The following CACNB4 variants were observed in gnomAD, a reference collection of about 807,000 sequenced individuals.
CACNB4 encodes the protein calcium voltage-gated channel auxiliary subunit beta 4.
A neutral mutation model predicts 71.2 loss-of-function variants in CACNB4; 32 were observed. The observed-to-expected ratio is 0.45, with a 90% CI of 0.34 to 0.60. The LOEUF (loss-of-function observed/expected upper bound fraction) is 0.60. Among genes scored for constraint, CACNB4 ranks in the 20% least tolerant of loss-of-function variants. The probability of loss-of-function intolerance (pLI) is 0.01; values close to 1 mark genes in which losing one functional copy is unlikely to be tolerated. For synonymous variants in CACNB4, 231 were observed against 236.9 expected (o/e 0.97, Z 0.23); for missense variants, 464 against 647.9 (o/e 0.72, Z 3.08).
At chr2:151,939,308 G>A (rs2099863690) in intron 2 of CACNB4, among the ~76,000 whole-genome samples, 1 of 152,146 alleles carries the variant, frequency 6.6e-6, no homozygotes, top group African/African-American at 2.4e-5. Context: ...GGGTTTGGTT[G>A]AGAGAATAAA....
chr2:152,077,321 G>A (rs182561359), intron 2 of CACNB4, among the ~76,000 whole-genome samples: 9 of 152,302 alleles, frequency 5.9e-5, no homozygotes, highest in East Asian at 1.9e-4. Flanking sequence ...TTGGGAGGCC[G>A]AGGCACATGG....
At chr2:151,872,962 C>T (rs948567846) in intron 5 of CACNB4, 4 of 153,226 alleles carry the variant, frequency 2.6e-5, no homozygotes, top group East Asian at 1.9e-4. Context: ...AGATCCTCAA[C>T]TCTGGTCTCC....
intron 2 of CACNB4, among the ~76,000 whole-genome samples, chr2:151,983,135 G>C (rs916832807): frequency 2.0e-5 from 3 of 152,148 alleles, no homozygotes; most frequent in African/African-American, 7.2e-5. Flanking sequence ...AAAACAAAAT[G>C]TTTGTGAGCT....
At chr2:152,010,386 G>C (rs939337933) in intron 2 of CACNB4, among the ~76,000 whole-genome samples, 2 of 152,298 alleles carry the variant, frequency 1.3e-5, no homozygotes, top group Non-Finnish European at 2.9e-5. Context: ...GGAAGGCTTT[G>C]GGACTTGAGA....
chr2:152,062,321 C>T (rs2105336823), intron 2 of CACNB4, among the ~76,000 whole-genome samples: 1 of 152,214 alleles, frequency 6.6e-6, no homozygotes, highest in Middle Eastern at 3.4e-3. Context: ...AGCCAGAGGC[C>T]AGTCCAGTCA....
Position 151,876,460 on chromosome 2 carries a change from G to T in CACNB4, c.487C>A (p.Gln163Lys). ...SPLRLENIRIQQEQKRGRFHG... is the reference protein window; with the variant it reads ...SPLRLENIRIKQEQKRGRFHG... ...AAACGTCCTCTTTTTTGTTCTTGCT[G>T]GATCCGTATGTTCTCCAATCTGAGT... is the stretch of plus-strand genomic sequence containing the variant. The change falls in exon 5 of 14, where the codon CAG becomes AAG. Residue 163 changes from glutamine to lysine, a missense_variant. Coordinates refer to ENST00000539935, the MANE Select transcript of CACNB4 (RefSeq NM_000726.5). 6.2e-7 allele frequency: 1 copy of T among 1,602,296 alleles called. No individual in the cohort carries two copies. The highest frequency in any genetic ancestry group is 8.5e-7 in the Non-Finnish European group (1 of 1,172,476).
intron 2 of CACNB4, among the ~76,000 whole-genome samples, chr2:151,957,387 G>T (rs1412632607): frequency 6.6e-6 from 1 of 151,036 alleles, no homozygotes; most frequent in African/African-American, 2.4e-5. Context: ...AGGAATTAAA[G>T]TTATTGAATT....
intron 2 of CACNB4, among the ~76,000 whole-genome samples, chr2:151,923,942 T>C (rs942424326): frequency 2.0e-5 from 3 of 152,184 alleles, no homozygotes; most frequent in Non-Finnish European, 4.4e-5. Context: ...TAATTCTCCA[T>C]GAGTTTCCAT....
At chr2:151,957,274 G>GTGTGTA (rs2099868538) in intron 2 of CACNB4, among the ~76,000 whole-genome samples, 2 of 150,894 alleles carry the variant, frequency 1.3e-5, no homozygotes, top group Non-Finnish European at 3.0e-5. Flanking sequence ...GTGTGTGTGT[G>GTGTGTA]TGTGTGTGTG....
intron 2 of CACNB4, chr2:151,969,499 TGG>T (rs2099871972): frequency 6.6e-6 from 1 of 152,248 alleles, no homozygotes; most frequent in East Asian, 1.9e-4. Flanking sequence ...TCAACTCTCT[TGG>T]GTATCTTTGT....
At chr2:151,883,799 G>T in intron 2 of CACNB4, 1 of 251,250 alleles carries the variant, frequency 4.0e-6, no homozygotes, top group East Asian at 1.1e-4. Context: ...ATTTGTCTAA[G>T]ATTTCAATAT....
intron 2 of CACNB4, among the ~76,000 whole-genome samples, chr2:151,955,439 G>A (rs915324744): frequency 6.6e-6 from 1 of 152,198 alleles, no homozygotes; most frequent in Non-Finnish European, 1.5e-5. Flanking sequence ...TTGCCCTCTA[G>A]AGTCCTATGT....
At position 151,872,448 on chromosome 2, in the gene CACNB4, A is replaced by T; in HGVS notation, c.567T>A (p.Ser189=). 2 of 1,606,096 alleles carry T rather than the reference A, an allele frequency of 1.2e-6. No homozygotes were observed. The highest frequency in any genetic ancestry group is 1.7e-6 in the Non-Finnish European group (2 of 1,174,020). Residue 189 remains serine, a synonymous_variant, in exon 6 of 14, where the codon TCT becomes TCA. Transcript: ENST00000539935. The part of the protein sequence containing the change: ...NSSSSLGEMV[S]GTFRATPTST... ...ATGTGGGAGTTGCTCGGAATGTCCCAGATACCATTTCTCCAAGACTTGAAG... is the reference window on the plus strand; with the variant it reads ...ATGTGGGAGTTGCTCGGAATGTCCCTGATACCATTTCTCCAAGACTTGAAG...
At chr2:151,874,944 C>T in intron 5 of CACNB4, 1 of 399,234 alleles carries the variant, frequency 2.5e-6, no homozygotes, top group Non-Finnish European at 4.4e-6. Flanking sequence ...ACCCAAATAC[C>T]AGGAGACAAG....
intron 2 of CACNB4, among the ~76,000 whole-genome samples, chr2:152,060,886 A>T (rs1262823618): frequency 2.0e-5 from 3 of 152,256 alleles, no homozygotes; most frequent in African/African-American, 7.2e-5. Flanking sequence ...GTGTGCATAT[A>T]CACAGAAAAT....
chr2:151,954,501 T>G (rs2099867680), intron 2 of CACNB4, among the ~76,000 whole-genome samples: 1 of 152,240 alleles, frequency 6.6e-6, no homozygotes, highest in East Asian at 1.9e-4. Flanking sequence ...TACCTTTATG[T>G]GTCTGATTTC....
intron 2 of CACNB4, among the ~76,000 whole-genome samples, chr2:151,909,159 G>A (rs2099855534): frequency 1.3e-5 from 2 of 149,646 alleles, no homozygotes; most frequent in African/African-American, 2.4e-5. Context: ...GGTGGGCACA[G>A]TGGCTCACGC....
chr2:151,906,839 T>C (rs1448023930), intron 2 of CACNB4, among the ~76,000 whole-genome samples: 1 of 152,138 alleles, frequency 6.6e-6, no homozygotes, highest in Non-Finnish European at 1.5e-5. Flanking sequence ...CCCTGACGTG[T>C]CTCTTTGGTA....
intron 10 of CACNB4, chr2:151,857,587 A>G (rs181074186): frequency 2.0e-5 from 3 of 152,316 alleles, no homozygotes; most frequent in African/African-American, 7.2e-5. Flanking sequence ...ATGTCAGGGT[A>G]TGTTTCCCAT....
Sources: allele counts gnomAD v4.1 joint callset (sites outside exome capture counted in the v4.1 genomes callset), GRCh38; gene constraint gnomAD v4.1.1; transcripts MANE v1.5; gene names NCBI Gene and HGNC (gene_info 2026-07-23, HGNC 2026-07-21).